The following RNF180 variants were observed in gnomAD, a reference collection of about 807,000 sequenced individuals.
The protein encoded by RNF180 is ring finger protein 180.
Under a neutral mutation model 59.2 loss-of-function variants are expected in RNF180, and 38 were observed. The ratio of observed to expected loss-of-function variants is 0.64; its 90% CI spans 0.50 to 0.84. The LOEUF (loss-of-function observed/expected upper bound fraction) is 0.84, where lower values mean the gene tolerates loss of function less well. Among genes scored for constraint, RNF180 ranks in the 40% least tolerant of loss-of-function variants. RNF180 has a pLI of 0.00. For missense variants in RNF180, 705 were observed against 700.9 expected, an observed-to-expected ratio of 1.01 and a Z score of -0.07; for synonymous variants, 262 against 240.3, an observed-to-expected ratio of 1.09 and a Z score of -0.84.
intron 4 of RNF180, among the ~76,000 whole-genome samples, chr5:64,215,318 G>A (rs1752559664): frequency 6.6e-6 from 1 of 151,982 alleles, no homozygotes; most frequent in East Asian, 1.9e-4. Flanking sequence ...ATTAATCAGT[G>A]TGTTGTAAAC....
At chr5:64,278,724 T>G (rs1198661319) in intron 5 of RNF180, among the ~76,000 whole-genome samples, 1 of 152,220 alleles carries the variant, frequency 6.6e-6, no homozygotes, top group East Asian at 1.9e-4. Context: ...AACTTACCTT[T>G]GAACATGTTA....
chr5:64,364,265 G>C (rs1746363767), intron 7 of RNF180, among the ~76,000 whole-genome samples: 1 of 151,650 alleles, frequency 6.6e-6, no homozygotes, highest in Non-Finnish European at 1.5e-5. Context: ...TCAATGCCTA[G>C]TTGGTTGAGA....
chr5:64,313,205 T>C (rs189506623), intron 5 of RNF180, among the ~76,000 whole-genome samples: 136 of 152,254 alleles, frequency 8.9e-4, no homozygotes, highest in African/African-American at 3.0e-3. Flanking sequence ...GTTTGTTAAA[T>C]AGGTAAACTG....
intron 5 of RNF180, among the ~76,000 whole-genome samples, chr5:64,243,899 C>T (rs764513382): frequency 1.5e-4 from 23 of 152,138 alleles, no homozygotes; most frequent in Non-Finnish European, 2.8e-4. Context: ...AAGGAACAGG[C>T]AGCAATCTTT....
At chr5:64,205,115 C>T (rs1270868300) in intron 2 of RNF180, among the ~76,000 whole-genome samples, 3 of 152,126 alleles carry the variant, frequency 2.0e-5, no homozygotes, top group East Asian at 3.8e-4. Flanking sequence ...ATGTTTGCTG[C>T]AGAATAATCA....
At chr5:64,258,093 T>C (rs1744092444) in intron 5 of RNF180, among the ~76,000 whole-genome samples, 2 of 152,118 alleles carry the variant, frequency 1.3e-5, no homozygotes, top group African/African-American at 2.4e-5. Context: ...TGAAATCTTG[T>C]GGGACAGTCA....
rs373794965 is a variant in RNF180, at chr5:64,363,003, A to C, written c.1580-6612A>C. Among the ~76,000 whole-genome samples, 11 of 151,742 alleles carry C rather than the reference A, an allele frequency of 7.2e-5. No individual in the cohort carries two copies. The South Asian group carries it at 1.0e-3, about 14-fold the overall frequency. On this transcript the variant is annotated intron_variant, in intron 7 of 7. Coordinates refer to ENST00000389100, the MANE Select transcript of RNF180 (RefSeq NM_001113561.2). ...AGACCTTTGTCAGATGCAGTTTGCA[A>C]AAATTTTCTCTCATTCTGTAGGTTG...
intron 5 of RNF180, among the ~76,000 whole-genome samples, chr5:64,246,092 G>C (rs563142277): frequency 6.6e-6 from 1 of 151,716 alleles, no homozygotes; most frequent in African/African-American, 2.4e-5. Flanking sequence ...TCAACATACC[G>C]GAATTTCTGG....
chr5:64,177,565 A>ATATATATT, intron 1 of RNF180, among the ~76,000 whole-genome samples: 1 of 128,058 alleles, frequency 7.8e-6, no homozygotes, highest in East Asian at 2.3e-4. Flanking sequence ...ATATATATAT[A>ATATATATT]TGTATTTATT....
intron 1 of RNF180, among the ~76,000 whole-genome samples, chr5:64,198,281 A>G (rs1751556060): frequency 6.6e-6 from 1 of 152,164 alleles, no homozygotes; most frequent in Non-Finnish European, 1.5e-5. Context: ...ATGTCTGGCT[A>G]GTAGCTACTG....
Position 64,213,917 on chromosome 5 carries a change from ACTG to A in RNF180, c.595_597del (p.Leu199del). ...CATATTTTGAGATGAAGAACGAAAA[ACTG>A]CTGTCCAAAGCATCAGAACCAAAAT... On this transcript the variant is annotated inframe_deletion, in exon 4 of 8. Transcript: ENST00000389100. 6.2e-7 allele frequency: 1 copy of A among 1,614,016 alleles called. No individual in the cohort carries two copies. Among genetic ancestry groups the A allele is most frequent in the Non-Finnish European group, 8.5e-7 (1 of 1,180,008 alleles).
At chr5:64,335,341 A>G (rs1468392620) in intron 7 of RNF180, among the ~76,000 whole-genome samples, 1 of 152,024 alleles carries the variant, frequency 6.6e-6, no homozygotes, top group African/African-American at 2.4e-5. Flanking sequence ...CAATTTCTTC[A>G]TCTTTCTGGT....
intron 5 of RNF180, among the ~76,000 whole-genome samples, chr5:64,276,861 T>C (rs989205220): frequency 2.0e-5 from 3 of 152,112 alleles, no homozygotes; most frequent in African/African-American, 7.2e-5. Context: ...AAATGTCTTA[T>C]ATTACCAACG....
intron 5 of RNF180, among the ~76,000 whole-genome samples, chr5:64,303,953 G>T (rs1010140091): frequency 6.6e-6 from 1 of 151,638 alleles, no homozygotes; most frequent in Non-Finnish European, 1.5e-5. Flanking sequence ...AATGCAGCTG[G>T]TGACTAAGCA....
intron 5 of RNF180, among the ~76,000 whole-genome samples, chr5:64,321,540 G>A (rs1056968511): frequency 9.9e-5 from 15 of 152,076 alleles, no homozygotes; most frequent in Admixed American, 2.6e-4. Flanking sequence ...GTAGAAAAAC[G>A]TTTCATCCTC....
chr5:64,287,834 C>T (rs779654349), intron 5 of RNF180, among the ~76,000 whole-genome samples: 71 of 152,056 alleles, frequency 4.7e-4, no homozygotes, highest in Non-Finnish European at 4.1e-4. Flanking sequence ...CAAAAGTTTT[C>T]TCCCATTCTT....
chr5:64,291,196 G>T (rs191485275), intron 5 of RNF180, among the ~76,000 whole-genome samples: 1 of 152,178 alleles, frequency 6.6e-6, no homozygotes, highest in Admixed American at 6.5e-5. Context: ...CCACTGAAGG[G>T]TCTGCTGTTA....
At chr5:64,237,690 C>T (rs143562799) in intron 5 of RNF180, among the ~76,000 whole-genome samples, 7 of 152,230 alleles carry the variant, frequency 4.6e-5, no homozygotes, top group Admixed American at 6.5e-5. Context: ...GTAATCCCCA[C>T]GTATTGAGGA....
intron 1 of RNF180, among the ~76,000 whole-genome samples, chr5:64,172,231 A>G (rs1029921782): frequency 6.6e-6 from 1 of 152,200 alleles, no homozygotes; most frequent in African/African-American, 2.4e-5. Context: ...AAATTCAGGC[A>G]CAGGTATGTG....
Sources: allele counts gnomAD v4.1 joint callset (sites outside exome capture counted in the v4.1 genomes callset), GRCh38; gene constraint gnomAD v4.1.1; transcripts MANE v1.5; gene names NCBI Gene and HGNC (gene_info 2026-07-23, HGNC 2026-07-21).